Variants in VPS35L observed in about 807,000 individuals in gnomAD.
VPS35L encodes VPS35 endosomal protein sorting factor like.
VPS35L carries 83 observed loss-of-function variants against 133.0 expected under a neutral mutation model. The ratio of observed to expected loss-of-function variants is 0.62; its 90% CI spans 0.52 to 0.75. The LOEUF is 0.75. VPS35L is among the 30% of genes least tolerant of loss of function. The pLI is 0.00. For synonymous variants in VPS35L, 423 were observed against 449.9 expected (o/e 0.94, Z 0.76); for missense variants, 1,083 against 1,206.8 (o/e 0.90, Z 1.52).
chr16:19,653,685 T>C (rs1195856297), intron 26 of VPS35L, among the ~76,000 whole-genome samples: 1 of 152,232 alleles, frequency 6.6e-6, no homozygotes, highest in Non-Finnish European at 1.5e-5. Context: ...ACTGCACAGA[T>C]TATGCCAAGG....
In VPS35L at chr16:19,668,630, T is replaced by C. The variant is rs1974774165; in HGVS notation, c.2222-530T>C. On this transcript the variant is annotated intron_variant, in intron 26 of 30. Coordinates refer to ENST00000417362, the MANE Select transcript of VPS35L (RefSeq NM_020314.7). The stretch of plus-strand genomic sequence containing the variant: ...TGTGTGTGTGTGTGTGCTGTGTTCC[T>C]TCAGACATTTTGATGGCTATTTAAC... 2.2e-5 allele frequency among the ~76,000 whole-genome samples: 3 copies of C among 139,212 alleles called. No individual in the cohort carries two copies. In the Admixed American group the frequency reaches 2.2e-4, roughly 10 times the overall value. The allele number at this position is 139,212 out of a possible 152,430, so 91.3% of individuals were successfully genotyped here.
At chr16:19,625,988 A>G (rs1973249430) in intron 14 of VPS35L, among the ~76,000 whole-genome samples, 189 bp from the exon 15 acceptor site, 1 of 151,878 alleles carries the variant, frequency 6.6e-6, no homozygotes, top group African/African-American at 2.4e-5. Context: ...CCTTCTATTT[A>G]TTACACTAAA....
chr16:19,629,994 C>CA (rs909748289), intron 18 of VPS35L, among the ~76,000 whole-genome samples, 174 bp downstream of exon 18: 2 of 151,970 alleles, frequency 1.3e-5, no homozygotes, highest in African/African-American at 4.8e-5. Context: ...TGTACTATAA[C>CA]AAAAAATAAC....
At chr16:19,611,786 C>T (rs1336851605) in intron 12 of VPS35L, 1 of 151,798 alleles carries the variant, frequency 6.6e-6, no homozygotes, top group Non-Finnish European at 1.5e-5. Context: ...GATTTTCCAT[C>T]CAGAGATATC....
chr16:19,561,288 A>C (rs1465573697), intron 1 of VPS35L, among the ~76,000 whole-genome samples: 1 of 151,906 alleles, frequency 6.6e-6, no homozygotes, highest in Non-Finnish European at 1.5e-5. Flanking sequence ...GGAGAATGGC[A>C]TGAACCTGGG....
At chr16:19,605,431 AG>A (rs1479303883) in intron 9 of VPS35L, among the ~76,000 whole-genome samples, 1 of 152,196 alleles carries the variant, frequency 6.6e-6, no homozygotes, top group African/African-American at 2.4e-5. Flanking sequence ...AGAACCCTTC[AG>A]GGGGTTTCCA....
chr16:19,616,355 A>G lies in VPS35L; in HGVS notation c.1101+164A>G, dbSNP rs1035474521. 2.0e-5 allele frequency among the ~76,000 whole-genome samples: 3 copies of G among 152,072 alleles called. No homozygotes were observed. In the East Asian group the frequency reaches 5.8e-4, roughly 29 times the overall value. ...TGTTGTAGACAATTAAAATGTGTTG[A>G]TTGTACTGAATAAGCGGAGAAAGTT... On this transcript the variant is annotated intron_variant, in intron 13 of 30. Coordinates refer to ENST00000417362, the MANE Select transcript of VPS35L (RefSeq NM_020314.7).
intron 29 of VPS35L, among the ~76,000 whole-genome samples, chr16:19,695,331 G>C (rs1256283546): frequency 1.3e-5 from 2 of 152,144 alleles, no homozygotes; most frequent in African/African-American, 4.8e-5. Flanking sequence ...GAAAAATAAA[G>C]CCCAGAACCA....
At chr16:19,573,405 G>C (rs1275314394) in intron 4 of VPS35L, 164 bp downstream of exon 4, 1 of 757,410 alleles carries the variant, frequency 1.3e-6, no homozygotes, top group Non-Finnish European at 2.0e-6. Flanking sequence ...TGTCAGTGTT[G>C]TTGGCAGAAA....
At chr16:19,624,563 C>G (rs1973200456) in intron 14 of VPS35L, among the ~76,000 whole-genome samples, 1 of 151,868 alleles carries the variant, frequency 6.6e-6, no homozygotes, top group African/African-American at 2.4e-5. Context: ...CCAGCCTGGG[C>G]AACAGAGTAA....
intron 26 of VPS35L, among the ~76,000 whole-genome samples, chr16:19,668,226 G>T (rs548467934): frequency 6.6e-6 from 1 of 152,278 alleles, no homozygotes; most frequent in Non-Finnish European, 1.5e-5. Context: ...AGTCGTTTTG[G>T]AGTGGAAGTC....
chr16:19,604,841 C>A (rs1972493933), intron 9 of VPS35L, among the ~76,000 whole-genome samples: 1 of 152,148 alleles, frequency 6.6e-6, no homozygotes, highest in South Asian at 2.1e-4. Flanking sequence ...GATACAGTGT[C>A]TTTTGGGTTC....
intron 26 of VPS35L, among the ~76,000 whole-genome samples, chr16:19,665,808 G>C (rs1228065186): frequency 1.3e-5 from 2 of 152,160 alleles, no homozygotes; most frequent in African/African-American, 4.8e-5. Context: ...AGTGTGTGAG[G>C]GTTCCCCTTT....
intron 26 of VPS35L, among the ~76,000 whole-genome samples, chr16:19,664,106 A>G (rs1974582933): frequency 6.6e-6 from 1 of 152,146 alleles, no homozygotes; most frequent in South Asian, 2.1e-4. Flanking sequence ...ATATTTTGCC[A>G]GTGAGCATCC....
chr16:19,640,446 G>A (rs1016071292), intron 21 of VPS35L, among the ~76,000 whole-genome samples: 4 of 152,190 alleles, frequency 2.6e-5, no homozygotes, highest in Admixed American at 2.6e-4. Flanking sequence ...TTTTACTTTT[G>A]ATATGTTTTT....
chr16:19,599,774 C>T (rs1303296696), intron 8 of VPS35L, among the ~76,000 whole-genome samples: 1 of 152,164 alleles, frequency 6.6e-6, no homozygotes, highest in African/African-American at 2.4e-5. Flanking sequence ...GGTGTGGTGG[C>T]TCACACCTAT....
intron 5 of VPS35L, among the ~76,000 whole-genome samples, chr16:19,576,334 A>C (rs970299775): frequency 6.7e-6 from 1 of 150,332 alleles, no homozygotes; most frequent in African/African-American, 2.5e-5. Flanking sequence ...TTGTGCAATA[A>C]GGTATGTTGG....
chr16:19,614,331 T>C (rs1411791913), intron 12 of VPS35L, among the ~76,000 whole-genome samples: 1 of 152,206 alleles, frequency 6.6e-6, no homozygotes, highest in Non-Finnish European at 1.5e-5. Flanking sequence ...ACCCTGGTGG[T>C]TCTCAAATGC....
At chr16:19,594,931 C>T (rs1444338976) in intron 8 of VPS35L, among the ~76,000 whole-genome samples, 1 of 151,890 alleles carries the variant, frequency 6.6e-6, no homozygotes, top group Non-Finnish European at 1.5e-5. Context: ...GAGAGGTGAG[C>T]CCTCTGGGTC....
Sources: gnomAD v4.1 joint callset for allele counts (sites outside exome capture counted in the v4.1 genomes callset) on GRCh38, gnomAD v4.1.1 for gene constraint, MANE v1.5 for transcripts, NCBI Gene and HGNC (gene_info 2026-07-23, HGNC 2026-07-21) for gene names.